The following THOC2 variants were observed in gnomAD, a reference collection of about 807,000 sequenced individuals.
THOC2 encodes the protein THO complex subunit 2.
THOC2 carries 10 observed loss-of-function variants against 128.4 expected under a neutral mutation model. That is an observed-to-expected ratio of 0.08 (90% CI 0.05 to 0.13). THOC2 has a LOEUF of 0.13. Among genes scored for constraint, THOC2 ranks in the 10% least tolerant of loss-of-function variants. The pLI is 1.00. For synonymous variants in THOC2, 393 were observed against 396.9 expected (o/e 0.99, Z 0.12); for missense variants, 535 against 1,155.7 (o/e 0.46, Z 7.79).
chrX:123,609,948 G>A (rs2046637382), intron 38 of THOC2, among the ~76,000 whole-genome samples: 1 of 110,701 alleles, frequency 9.0e-6, no homozygotes, highest in Non-Finnish European at 1.9e-5. Context: ...AGAATCGCTT[G>A]GACCTGGGCG....
At chrX:123,654,172 G>C (rs1023986953) in intron 12 of THOC2, among the ~76,000 whole-genome samples, 1 of 109,922 alleles carries the variant, frequency 9.1e-6, no homozygotes, top group Non-Finnish European at 1.9e-5. Context: ...ACCAAACACC[G>C]CATGTTCTCA....
At chrX:123,703,890 T>TAAAAAAAAAAAAAAAAA (rs774877149) in intron 3 of THOC2, among the ~76,000 whole-genome samples, 4 of 37,005 alleles carry the variant, frequency 1.1e-4, no homozygotes, top group African/African-American at 4.6e-4. Flanking sequence ...ACTCTGTCTT[T>TAAAAAAAAAAAAAAAAA]AAAAAAAAAA....
At chrX:123,613,817 A>T (rs1211462916) in intron 34 of THOC2, 109 bp from the exon 35 acceptor site, 2 of 791,186 alleles carry the variant, frequency 2.5e-6, no homozygotes, top group East Asian at 6.3e-5. Flanking sequence ...GAGTATTTGC[A>T]GTAGTTTCAC....
chrX:123,604,323 G>A (rs1468369846), intron 38 of THOC2, among the ~76,000 whole-genome samples: 1 of 110,789 alleles, frequency 9.0e-6, no homozygotes, highest in Non-Finnish European at 1.9e-5. Context: ...GATTATATGT[G>A]TGAACGCCAT....
In THOC2 at chrX:123,625,895, T is replaced by C. The variant is rs776896801; in HGVS notation, c.3057+17A>G. 1.1e-5 allele frequency: 13 copies of C among 1,198,849 alleles called. No homozygotes were observed. In the South Asian group the frequency reaches 2.0e-4, roughly 18 times the overall value. On this transcript the variant is annotated intron_variant, in intron 25 of 38. Coordinates refer to ENST00000245838, the MANE Select transcript of THOC2 (RefSeq NM_001081550.2). ...TCTTTGTGTGAGAACTTTTTAAAGG[T>C]TGCAATAAAAACTTACTCGATCATA...
chrX:123,667,964 A>G (rs1352423813), intron 10 of THOC2, among the ~76,000 whole-genome samples, 195 bp downstream of exon 10: 1 of 111,456 alleles, frequency 9.0e-6, no homozygotes, highest in Non-Finnish European at 1.9e-5. Context: ...TACAAGAAAA[A>G]AAATATGACA....
chrX:123,645,419 G>C, intron 12 of THOC2, 44 bp from the exon 13 acceptor site: 1 of 785,449 alleles, frequency 1.3e-6, no homozygotes, highest in South Asian at 2.7e-5. Flanking sequence ...AAAAGGTTAA[G>C]ATTATGATGT....
At chrX:123,718,154 A>G (rs1013498115) in intron 1 of THOC2, among the ~76,000 whole-genome samples, 3 of 112,388 alleles carry the variant, frequency 2.7e-5, no homozygotes, top group African/African-American at 9.7e-5. Context: ...TAGCCAATTA[A>G]TTTTCAACAA....
chrX:123,691,586 CAA>C (rs887426571), intron 7 of THOC2, among the ~76,000 whole-genome samples: 12 of 111,792 alleles, frequency 1.1e-4, no homozygotes, highest in African/African-American at 3.6e-4. Context: ...ACTGAAGAGG[CAA>C]AGACTCTCAC....
At chrX:123,681,067 C>T in intron 8 of THOC2, among the ~76,000 whole-genome samples, 1 of 111,026 alleles carries the variant, frequency 9.0e-6, no homozygotes, top group East Asian at 2.8e-4. Flanking sequence ...TCTGATAGCT[C>T]GTAATTAGTG....
chrX:123,670,549 G>A (rs1380585109), intron 9 of THOC2, among the ~76,000 whole-genome samples: 1 of 112,437 alleles, frequency 8.9e-6, no homozygotes, highest in African/African-American at 3.2e-5. Context: ...AACCCAGGAG[G>A]CAGAGGCTGC....
At chrX:123,667,725 T>G (rs1279208334) in intron 10 of THOC2, among the ~76,000 whole-genome samples, 1 of 108,789 alleles carries the variant, frequency 9.2e-6, no homozygotes, top group Non-Finnish European at 1.9e-5. Flanking sequence ...GGTGAAAGAG[T>G]GAGACCCTGT....
rs1298061276 is a variant in THOC2, at chrX:123,667,041, A to G, written c.1190+65T>C. Reference sequence around the variant, plus strand: ...CTTGGTTTGAGGAGATAAGATAAATATACATTTTGTTGTAGTCCTAAGCTA... The same window carrying G: ...CTTGGTTTGAGGAGATAAGATAAATGTACATTTTGTTGTAGTCCTAAGCTA... On this transcript the variant is annotated intron_variant, in intron 11 of 38. Coordinates refer to ENST00000245838, the MANE Select transcript of THOC2 (RefSeq NM_001081550.2). 6 of 789,808 alleles carry G rather than the reference A, an allele frequency of 7.6e-6. No homozygotes were observed. The African/African-American group carries it at 1.3e-4, about 17-fold the overall frequency. 65.1% of individuals were successfully genotyped at this position (789,808 alleles called of 1,213,427 possible).
At chrX:123,648,821 G>C (rs1204299998) in intron 12 of THOC2, among the ~76,000 whole-genome samples, 1 of 111,870 alleles carries the variant, frequency 8.9e-6, no homozygotes, top group East Asian at 2.8e-4. Flanking sequence ...CCAGTCAGGG[G>C]CTTATAAATA....
intron 13 of THOC2, 112 bp from the exon 14 acceptor site, chrX:123,645,021 A>G (rs1316978234): frequency 1.6e-6 from 1 of 631,811 alleles, no homozygotes; most frequent in Non-Finnish European, 2.4e-6. Context: ...ATAACACACA[A>G]TATCCCATTC....
chrX:123,684,543 C>T (rs2049928913), intron 8 of THOC2, among the ~76,000 whole-genome samples: 2 of 111,558 alleles, frequency 1.8e-5, no homozygotes, highest in Non-Finnish European at 3.8e-5. Flanking sequence ...GCCACCACGC[C>T]TGGCTAATTT....
At chrX:123,631,199 G>A in intron 22 of THOC2, among the ~76,000 whole-genome samples, 1 of 111,757 alleles carries the variant, frequency 8.9e-6, no homozygotes, top group Middle Eastern at 4.6e-3. Context: ...CAAGAAATCA[G>A]GTACCCTCTT....
At chrX:123,635,717 A>G (rs1349504786) in intron 19 of THOC2, among the ~76,000 whole-genome samples, 2 of 111,997 alleles carry the variant, frequency 1.8e-5, no homozygotes, top group South Asian at 3.7e-4. Context: ...CAGATGTTCA[A>G]TGTGACACAG....
intron 2 of THOC2, among the ~76,000 whole-genome samples, chrX:123,708,450 C>A (rs1455529627): frequency 9.1e-6 from 1 of 110,382 alleles, no homozygotes; most frequent in African/African-American, 3.3e-5. Flanking sequence ...AAATGCTTTA[C>A]AACAAACAAC....
Sources: gnomAD v4.1 joint callset for allele counts (sites outside exome capture counted in the v4.1 genomes callset) on GRCh38, gnomAD v4.1.1 for gene constraint, MANE v1.5 for transcripts, NCBI Gene and HGNC (gene_info 2026-07-23, HGNC 2026-07-21) for gene names.